The following ARHGEF3 variants were observed in gnomAD, a reference collection of about 807,000 sequenced individuals.
ARHGEF3 encodes the protein 59.8 kDA protein.
Under a neutral mutation model 63.2 loss-of-function variants are expected in ARHGEF3, and 28 were observed. The observed-to-expected ratio is 0.44, with a 90% CI of 0.33 to 0.61. ARHGEF3 has a LOEUF of 0.61. Among genes scored for constraint, ARHGEF3 ranks in the 20% least tolerant of loss-of-function variants. The pLI is 0.03. For missense variants in ARHGEF3, 533 were observed against 659.3 expected (o/e 0.81, Z 2.10); for synonymous variants, 266 against 254.2 (o/e 1.05, Z -0.44).
At chr3:57,045,709 C>A (rs1056598611) in intron 1 of ARHGEF3, among the ~76,000 whole-genome samples, 22 of 152,174 alleles carry the variant, frequency 1.4e-4, no homozygotes, top group African/African-American at 5.3e-4. Flanking sequence ...AGAACCAGGG[C>A]AGAAGCACAA....
intron 2 of ARHGEF3, among the ~76,000 whole-genome samples, chr3:56,997,142 C>T (rs988026021): frequency 5.3e-5 from 8 of 152,060 alleles, no homozygotes; most frequent in African/African-American, 1.7e-4. Context: ...CCAAACAGCA[C>T]TGAGGCCTGC....
chr3:57,009,152 T>C (rs1702582745), intron 2 of ARHGEF3, among the ~76,000 whole-genome samples: 1 of 152,262 alleles, frequency 6.6e-6, no homozygotes, highest in South Asian at 2.1e-4. Context: ...GCTCCCATTC[T>C]GAGGTCCGGC....
At chr3:56,785,180 G>A (rs1014789066) in intron 1 of ARHGEF3, among the ~76,000 whole-genome samples, 4 of 152,166 alleles carry the variant, frequency 2.6e-5, no homozygotes, top group Admixed American at 6.5e-5. Flanking sequence ...AGGCTGCTAC[G>A]AGACCATGTA....
At chr3:56,745,074 G>A in intron 7 of ARHGEF3, 131 bp downstream of exon 7, 6 of 1,189,862 alleles carry the variant, frequency 5.0e-6, no homozygotes, top group Non-Finnish European at 7.0e-6. Context: ...GTTGATGGCA[G>A]TGCCAGGCCT....
chr3:56,728,646 A>G lies in ARHGEF3; in HGVS notation c.*624T>C, dbSNP rs2032890447. 6.5e-6 allele frequency: 1 copy of G among 152,744 alleles called. No individual in the cohort carries two copies. The highest frequency in any genetic ancestry group is 2.4e-5 in the African/African-American group (1 of 41,580). The allele number at this position is 152,744 out of a possible 1,614,324, so 9.5% of individuals were successfully genotyped here. ...CAGCCTCTATTTTATGTCCTAATAC[A>G]TTCTTGCATCAAACTTGCACTGGAT... On this transcript the variant is annotated 3_prime_UTR_variant, in exon 10 of 10. Transcript: ENST00000296315.
intron 2 of ARHGEF3, among the ~76,000 whole-genome samples, chr3:56,960,297 G>A (rs781476607): frequency 1.3e-5 from 2 of 152,160 alleles, no homozygotes; most frequent in Non-Finnish European, 2.9e-5. Context: ...TAAGAGCACT[G>A]ACGCCTAGGG....
chr3:56,969,602 A>G (rs1578989262), intron 2 of ARHGEF3, among the ~76,000 whole-genome samples: 2 of 151,996 alleles, frequency 1.3e-5, no homozygotes, highest in African/African-American at 2.4e-5. Context: ...GAAATCCCAT[A>G]TCTACTAAAA....
At chr3:56,732,934 G>A (rs1387368839) in intron 8 of ARHGEF3, among the ~76,000 whole-genome samples, 1 of 151,876 alleles carries the variant, frequency 6.6e-6, no homozygotes, top group Non-Finnish European at 1.5e-5. Flanking sequence ...GATCACTTGA[G>A]GTTAGGAGTT....
intron 4 of ARHGEF3, among the ~76,000 whole-genome samples, chr3:56,827,122 G>T (rs2038745523): frequency 6.6e-6 from 1 of 152,050 alleles, no homozygotes; most frequent in Admixed American, 6.6e-5. Context: ...AATATAAAAA[G>T]ATAAAATCAC....
At chr3:56,949,162 A>G (rs1454262955) in intron 3 of ARHGEF3, among the ~76,000 whole-genome samples, 1 of 151,874 alleles carries the variant, frequency 6.6e-6, no homozygotes, top group African/African-American at 2.4e-5. Context: ...ACAAACCCAC[A>G]GCCAATATCA....
intron 1 of ARHGEF3, chr3:57,075,429 G>A (rs888588163): frequency 4.2e-5 from 7 of 166,718 alleles, no homozygotes; most frequent in African/African-American, 1.7e-4. Flanking sequence ...TGAAATAAAT[G>A]AGCTAAGTGG....
intron 2 of ARHGEF3, among the ~76,000 whole-genome samples, chr3:57,014,804 C>T (rs905922454): frequency 2.6e-5 from 4 of 151,960 alleles, no homozygotes; most frequent in Non-Finnish European, 4.4e-5. Context: ...CCTCAGCCTC[C>T]TGAGTAGCTG....
chr3:56,939,660 C>G (rs1261018666), intron 3 of ARHGEF3: 2 of 152,014 alleles, frequency 1.3e-5, no homozygotes, highest in African/African-American at 2.4e-5. Flanking sequence ...GCTGTTCTTG[C>G]TCCCAGAAGA....
chr3:57,070,040 T>C (rs1047425351), intron 1 of ARHGEF3, among the ~76,000 whole-genome samples: 1 of 152,210 alleles, frequency 6.6e-6, no homozygotes, highest in African/African-American at 2.4e-5. Flanking sequence ...GGGGCTAAGA[T>C]TGTTTTAGCA....
At chr3:57,053,005 G>C (rs1465196486) in intron 1 of ARHGEF3, among the ~76,000 whole-genome samples, 2 of 152,190 alleles carry the variant, frequency 1.3e-5, no homozygotes, top group African/African-American at 4.8e-5. Flanking sequence ...CAGGCAAACA[G>C]AAGCAGATTT....
chr3:57,014,181 C>T (rs941615987), intron 2 of ARHGEF3, among the ~76,000 whole-genome samples: 6 of 152,206 alleles, frequency 3.9e-5, no homozygotes, highest in Admixed American at 3.9e-4. Flanking sequence ...CCAGCAAGAC[C>T]ACGAACCCAC....
At chr3:57,011,231 C>T (rs141153395) in intron 2 of ARHGEF3, among the ~76,000 whole-genome samples, 6 of 152,110 alleles carry the variant, frequency 3.9e-5, no homozygotes, top group African/African-American at 1.2e-4. Flanking sequence ...AAAGTTAAAC[C>T]GCCTGGAACT....
chr3:56,991,373 A>AG (rs1279532361), intron 2 of ARHGEF3, among the ~76,000 whole-genome samples: 1 of 152,132 alleles, frequency 6.6e-6, no homozygotes, highest in Non-Finnish European at 1.5e-5. Context: ...AGAAAAAAAA[A>AG]CTGTCCCAAA....
intron 2 of ARHGEF3, among the ~76,000 whole-genome samples, chr3:57,015,842 T>C (rs2107135652): frequency 6.6e-6 from 1 of 152,166 alleles, no homozygotes; most frequent in African/African-American, 2.4e-5. Flanking sequence ...TCGCCACCCT[T>C]GTTACATTTT....
Sources: allele counts gnomAD v4.1 joint callset (sites outside exome capture counted in the v4.1 genomes callset), GRCh38; gene constraint gnomAD v4.1.1; transcripts MANE v1.5; gene names NCBI Gene and HGNC (gene_info 2026-07-23, HGNC 2026-07-21).